Variants in PITPNC1 observed in about 807,000 individuals in gnomAD.
PITPNC1 encodes the protein phosphatidylinositol transfer protein cytoplasmic 1.
Under a neutral mutation model 44.7 loss-of-function variants are expected in PITPNC1, and 18 were observed. The ratio of observed to expected loss-of-function variants is 0.40; its 90% confidence interval spans 0.28 to 0.60. The LOEUF (loss-of-function observed/expected upper bound fraction) is 0.60. PITPNC1 is among the 20% of genes least tolerant of loss of function. The pLI is 0.39. For synonymous variants in PITPNC1, 141 were observed against 149.6 expected (o/e 0.94, Z 0.42); for missense variants, 290 against 418.4 (o/e 0.69, Z 2.68).
At chr17:67,446,554 G>C (rs958191454) in intron 1 of PITPNC1, among the ~76,000 whole-genome samples, 17 of 150,010 alleles carry the variant, frequency 1.1e-4, no homozygotes, top group Non-Finnish European at 2.4e-4. Context: ...ACGAGAAATA[G>C]AACAGAGTGA....
At chr17:67,618,917 G>A (rs1319474337) in intron 5 of PITPNC1, among the ~76,000 whole-genome samples, 1 of 151,926 alleles carries the variant, frequency 6.6e-6, no homozygotes, top group Non-Finnish European at 1.5e-5. Context: ...AAAGTAGCCG[G>A]GCATGGTGGC....
intron 1 of PITPNC1, among the ~76,000 whole-genome samples, chr17:67,484,874 G>T (rs372658305): frequency 6.6e-6 from 1 of 152,022 alleles, no homozygotes; most frequent in East Asian, 1.9e-4. Flanking sequence ...GGACATGGAG[G>T]TTGCAGTGAG....
Position 67,692,695 on chromosome 17 carries a change from G to A in PITPNC1, c.806G>A (p.Arg269His), listed in dbSNP as rs200786021. 1,101 of 1,613,614 alleles carry A rather than the reference G, an allele frequency of 6.8e-4. No individual in the cohort carries two copies. Among genetic ancestry groups the A allele is most frequent in the African/African-American group, 9.5e-4 (71 of 74,950 alleles). The change falls in exon 9 of 9, where the codon CGC becomes CAC. Residue 269 changes from arginine (R) to histidine (H), a missense_variant. By Grantham distance (29) the Arg-to-His change is conservative. Transcript: ENST00000581322. ...ATCCCCCTGCTGCCTTCTTCCGTCC[G>A]CAGTGCGCCTTCTAGTGCTCCATCC... ...SSIPLLPSSV[R>H]SAPSSAPSTP... is the part of the protein sequence containing the mutation.
At chr17:67,383,318 G>A (rs2037992241) in intron 1 of PITPNC1, among the ~76,000 whole-genome samples, 1 of 152,174 alleles carries the variant, frequency 6.6e-6, no homozygotes, top group Non-Finnish European at 1.5e-5. Flanking sequence ...ACAAACTCTA[G>A]GCTAGAACCA....
Position 67,532,882 on chromosome 17 carries a change from G to T in PITPNC1, c.129G>T (p.Gln43His). 1 of 1,608,344 alleles carries T rather than the reference G, an allele frequency of 6.2e-7. No homozygotes were observed. Residue 43 changes from glutamine to histidine, a missense_variant, in exon 2 of 9, where the codon CAG becomes CAT. By Grantham distance (24) the Gln-to-His change is conservative (BLOSUM62 0). Transcript: ENST00000581322. ...GGGGAGAAGGGGTGGAGGTCGTCCA[G>T]AATGAGCCCTTTGAGGACCCTCACC... ...SDRGEGVEVV[Q>H]NEPFEDPHHG... is the part of the protein sequence containing the mutation.
chr17:67,500,875 GACAGGGGTCTCTCTAT>G (rs2040018216), intron 1 of PITPNC1, among the ~76,000 whole-genome samples: 1 of 150,684 alleles, frequency 6.6e-6, no homozygotes. Flanking sequence ...TTTAAGTGGA[GACAGGGGTCTCTCTAT>G]ATTGCCCAGG....
chr17:67,637,161 T>C (rs2042043283), intron 6 of PITPNC1, among the ~76,000 whole-genome samples: 1 of 152,250 alleles, frequency 6.6e-6, no homozygotes, highest in South Asian at 2.1e-4. Flanking sequence ...ACTCAATGGT[T>C]GCTGAATGAA....
intron 5 of PITPNC1, among the ~76,000 whole-genome samples, chr17:67,631,053 G>GTTGTTGTTATTA (rs886876286): frequency 3.1e-5 from 4 of 127,766 alleles, no homozygotes; most frequent in African/African-American, 5.7e-5. Context: ...TGTTGTTGTT[G>GTTGTTGTTATTA]TTATTATTAT....
intron 7 of PITPNC1, among the ~76,000 whole-genome samples, 184 bp from the exon 8 acceptor site, chr17:67,675,294 TG>T (rs1474168514): frequency 6.6e-6 from 1 of 152,130 alleles, no homozygotes; most frequent in African/African-American, 2.4e-5. Context: ...GTGTACACCA[TG>T]GGGAAGGGCT....
In PITPNC1 at chr17:67,509,559, AAAATAAATAAATAAAT is replaced by A. The variant is rs569903843; in HGVS notation, c.49-23215_49-23200del. Among the ~76,000 whole-genome samples, 254 of 146,310 alleles carry A rather than the reference AAAATAAATAAATAAAT, an allele frequency of 1.7e-3. 1 individual carries two copies. Among genetic ancestry groups the A allele is most frequent in the African/African-American group, 6.1e-3 (241 of 39,712 alleles). On this transcript the variant is annotated intron_variant, in intron 1 of 8. Transcript: ENST00000581322. ...CTCTAAATTAAATTAAATTGAATTA[AAAATAAATAAATAAAT>A]AAATAAATAAATAAATAAATAAATA... is the stretch of plus-strand genomic sequence containing the variant.
chr17:67,436,652 C>T (rs528604388), intron 1 of PITPNC1, among the ~76,000 whole-genome samples: 1 of 152,134 alleles, frequency 6.6e-6, no homozygotes, highest in South Asian at 2.1e-4. Context: ...TAATCTGATT[C>T]ATGTTTCTTG....
intron 1 of PITPNC1, among the ~76,000 whole-genome samples, chr17:67,496,431 G>C (rs2039953311): frequency 6.6e-6 from 1 of 152,176 alleles, no homozygotes. Context: ...GGCTCCCTTT[G>C]AGTTGAGTCA....
At chr17:67,655,558 C>CAA (rs796111267) in intron 6 of PITPNC1, among the ~76,000 whole-genome samples, 4,208 of 41,678 alleles carry the variant, frequency 0.1, 440 homozygotes, top group Middle Eastern at 0.12. Context: ...AGACTCATCT[C>CAA]AAAAAAAAAA....
chr17:67,664,590 G>A (rs142117721), intron 6 of PITPNC1, among the ~76,000 whole-genome samples: 1 of 152,096 alleles, frequency 6.6e-6, no homozygotes, highest in Non-Finnish European at 1.5e-5. Flanking sequence ...GTTTCTCGGC[G>A]ACCTGTATAT....
Position 67,537,891 on chromosome 17 carries a change from G to C in PITPNC1, c.197+4941G>C, listed in dbSNP as rs144757767. On this transcript the variant is annotated intron_variant, in intron 2 of 8. Transcript: ENST00000581322. ...GGAGGCTGAGGCAGGAGAATCACTTGAACCCGCTAGGTGGTGGTTGCAGTG... is the reference window on the plus strand; with the variant it reads ...GGAGGCTGAGGCAGGAGAATCACTTCAACCCGCTAGGTGGTGGTTGCAGTG... 4.9e-4 allele frequency among the ~76,000 whole-genome samples: 74 copies of C among 151,698 alleles called. 1 individual carries two copies. The highest frequency in any genetic ancestry group is 7.1e-4 in the Non-Finnish European group (48 of 67,972).
chr17:67,676,918 T>C lies in PITPNC1; in HGVS notation c.682+1376T>C, dbSNP rs1037205296. Among the ~76,000 whole-genome samples, 7 of 152,010 alleles carry C rather than the reference T, an allele frequency of 4.6e-5. No homozygotes were observed. Among genetic ancestry groups the C allele is most frequent in the Admixed American group, 1.3e-4 (2 of 15,242 alleles). ...CTTCCTGGGTTTGTCCAAATGCAGA[T>C]CATTTATGCTCTCTTATCACACACC... On this transcript the variant is annotated intron_variant, in intron 8 of 8. Transcript: ENST00000581322. This position sits in a 1 kb window ranked among gnomAD's most constrained non-coding sequence, Gnocchi z 4.0.
At position 67,620,056 on chromosome 17, in the gene PITPNC1, TTTG is replaced by T. The variant is rs1171791601; in HGVS notation, c.367-12078_367-12076del. 9.9e-5 allele frequency among the ~76,000 whole-genome samples: 15 copies of T among 152,246 alleles called. No individual in the cohort carries two copies. The East Asian group carries it at 2.3e-3, about 24-fold the overall frequency. On this transcript the variant is annotated intron_variant, in intron 5 of 8. Coordinates refer to ENST00000581322, the MANE Select transcript of PITPNC1 (RefSeq NM_012417.4). ...GCTTCAAGCCCTTTATTTATTTGTT[TTTG>T]TTGTTGTTTTTTGAGACAGGGTCTC...
At chr17:67,535,349 G>T (rs1480485897) in intron 2 of PITPNC1, among the ~76,000 whole-genome samples, 1 of 152,186 alleles carries the variant, frequency 6.6e-6, no homozygotes, top group African/African-American at 2.4e-5. Context: ...GATCACCTCT[G>T]CAGGGCAAAG....
chr17:67,664,878 C>T (rs1161055678), intron 6 of PITPNC1, among the ~76,000 whole-genome samples: 1 of 149,182 alleles, frequency 6.7e-6, no homozygotes, highest in Non-Finnish European at 1.5e-5. Context: ...GTACTCCAGC[C>T]TGGGCGACAG....
Sources: allele counts gnomAD v4.1 joint callset (sites outside exome capture counted in the v4.1 genomes callset), GRCh38; gene constraint gnomAD v4.1.1; non-coding constraint Gnocchi (gnomAD v3.1); transcripts MANE v1.5; gene names NCBI Gene and HGNC (gene_info 2026-07-23, HGNC 2026-07-21).